The following CDH7 variants were observed in gnomAD, a reference collection of about 807,000 sequenced individuals.
CDH7 encodes the protein cadherin 7.
Under a neutral mutation model 71.8 loss-of-function variants are expected in CDH7, and 25 were observed. The observed-to-expected ratio is 0.35, with a 90% confidence interval of 0.25 to 0.49. The LOEUF (loss-of-function observed/expected upper bound fraction) is 0.49. Ranked by LOEUF, CDH7 falls within the 20% of genes least tolerant of loss-of-function variation. The pLI is 0.99. For missense variants in CDH7, 862 were observed against 974.6 expected (o/e 0.88, Z 1.54); for synonymous variants, 381 against 363.8 (o/e 1.05, Z -0.54).
intron 2 of CDH7, among the ~76,000 whole-genome samples, chr18:65,767,478 G>A (rs765254188): frequency 9.2e-5 from 14 of 152,120 alleles, no homozygotes; most frequent in Non-Finnish European, 1.9e-4. Context: ...AAAGAGCATA[G>A]TCATCATAGC....
intron 7 of CDH7, among the ~76,000 whole-genome samples, chr18:65,853,680 T>C (rs1176903770): frequency 1.3e-5 from 2 of 151,842 alleles, no homozygotes; most frequent in Non-Finnish European, 2.9e-5. Context: ...TTTGACAAAG[T>C]GTCCCATCTC....
At chr18:65,810,079 CT>C (rs1911478044) in intron 3 of CDH7, 81 bp downstream of exon 3, 1 of 1,053,948 alleles carries the variant, frequency 9.5e-7, no homozygotes, top group Non-Finnish European at 1.3e-6. Flanking sequence ...TCATTAAGTA[CT>C]GAAAAAAAAA....
At chr18:65,830,373 C>A (rs1912293161) in intron 6 of CDH7, among the ~76,000 whole-genome samples, 1 of 152,158 alleles carries the variant, frequency 6.6e-6, no homozygotes, top group African/African-American at 2.4e-5. Context: ...TTGCTTATTT[C>A]TCTTGAACAC....
At chr18:65,832,312 T>G (rs2143962515) in intron 6 of CDH7, among the ~76,000 whole-genome samples, 1 of 152,212 alleles carries the variant, frequency 6.6e-6, no homozygotes, top group African/African-American at 2.4e-5. Flanking sequence ...TAGAATTCTT[T>G]TAGAATCAGG....
intron 2 of CDH7, chr18:65,803,309 T>A (rs1261078731): frequency 1.3e-5 from 2 of 152,160 alleles, no homozygotes; most frequent in African/African-American, 4.8e-5. Context: ...TACTGTGAAC[T>A]TTTTCTGAGA....
At chr18:65,763,368 A>G (rs775163937) in intron 2 of CDH7, among the ~76,000 whole-genome samples, 4 of 152,184 alleles carry the variant, frequency 2.6e-5, no homozygotes, top group Non-Finnish European at 5.9e-5. Context: ...AAAGTGGAAC[A>G]AGACTATTCA....
chr18:65,796,660 C>G (rs887925905), intron 2 of CDH7, among the ~76,000 whole-genome samples: 1 of 152,126 alleles, frequency 6.6e-6, no homozygotes, highest in African/African-American at 2.4e-5. Flanking sequence ...TACCGATGGC[C>G]CCAGGTTGTC....
intron 7 of CDH7, 83 bp from the exon 8 acceptor site, chr18:65,857,733 C>A: frequency 7.5e-7 from 1 of 1,337,860 alleles, no homozygotes; most frequent in Non-Finnish European, 1.0e-6. Context: ...TAGTAATGAG[C>A]TACACAAATA....
intron 11 of CDH7, among the ~76,000 whole-genome samples, chr18:65,874,254 C>T (rs1054560817): frequency 6.6e-6 from 1 of 152,004 alleles, no homozygotes; most frequent in African/African-American, 2.4e-5. Flanking sequence ...TAAATTTATC[C>T]AATTTGGTTT....
chr18:65,786,722 T>C (rs1910527416), intron 2 of CDH7, among the ~76,000 whole-genome samples: 2 of 152,118 alleles, frequency 1.3e-5, no homozygotes, highest in Admixed American at 6.6e-5. Flanking sequence ...CTTGCTTTGT[T>C]GCCCAGGCCG....
intron 6 of CDH7, among the ~76,000 whole-genome samples, chr18:65,827,591 T>C (rs1167188458): frequency 6.6e-6 from 1 of 151,954 alleles, no homozygotes. Context: ...AACAATAATT[T>C]AGACTAAGAA....
chr18:65,845,456 G>A (rs1402147717), intron 7 of CDH7, among the ~76,000 whole-genome samples: 3 of 152,008 alleles, frequency 2.0e-5, no homozygotes, highest in South Asian at 4.2e-4. Context: ...CTCTGTAATT[G>A]CCCTGCCTTC....
intron 2 of CDH7, among the ~76,000 whole-genome samples, chr18:65,781,636 T>G (rs34754902): frequency 0.36 from 53,948 of 151,520 alleles, 10,120 homozygotes; most frequent in African/African-American, 0.46. Context: ...TCCACTTTTT[T>G]CATTCTATTC....
chr18:65,779,251 A>T (rs1232962949), intron 2 of CDH7, among the ~76,000 whole-genome samples: 4 of 109,702 alleles, frequency 3.6e-5, no homozygotes, highest in African/African-American at 1.5e-4. Flanking sequence ...AAGAATAGAA[A>T]ACATTCTTTT....
chr18:65,885,054 A>G lies in CDH7; in HGVS notation c.*4160A>G, dbSNP rs564796893. ...ATTATTAATAATGTATATTGTGTGT[A>G]TATATGACGGTGTATGAAAGTTGGC... On this transcript the variant is annotated 3_prime_UTR_variant, in exon 12 of 12. Transcript: ENST00000397968. The G allele has an allele frequency of 6.6e-6, 1 of 152,166 alleles. No homozygotes were observed. The highest frequency in any genetic ancestry group is 1.5e-5 in the Non-Finnish European group (1 of 68,034). The allele number at this position is 152,166 out of a possible 1,614,324, so 9.4% of individuals were successfully genotyped here. A position where few individuals can be genotyped will look rare whatever the true frequency, so the allele number is the denominator to read the frequency against.
chr18:65,807,930 C>T (rs1568196112), intron 2 of CDH7, among the ~76,000 whole-genome samples: 1 of 152,152 alleles, frequency 6.6e-6, no homozygotes, highest in Non-Finnish European at 1.5e-5. Flanking sequence ...AAGACCCTAG[C>T]ACACAGGGCA....
intron 2 of CDH7, among the ~76,000 whole-genome samples, chr18:65,766,633 A>C (rs1015540576): frequency 6.6e-6 from 1 of 152,100 alleles, no homozygotes; most frequent in African/African-American, 2.4e-5. Context: ...TTTAAAAAAT[A>C]ATAGTGCCCC....
At chr18:65,778,810 T>C (rs1408057560) in intron 2 of CDH7, among the ~76,000 whole-genome samples, 1 of 151,874 alleles carries the variant, frequency 6.6e-6, no homozygotes, top group Non-Finnish European at 1.5e-5. Flanking sequence ...GTAATGTTCA[T>C]AGCAGCACGT....
chr18:65,857,598 T>C (rs1023341308), intron 7 of CDH7, among the ~76,000 whole-genome samples: 1 of 152,110 alleles, frequency 6.6e-6, no homozygotes, highest in African/African-American at 2.4e-5. Flanking sequence ...CATTTAGTAC[T>C]GTCTGACAGA....
Sources: gnomAD v4.1 joint callset for allele counts (sites outside exome capture counted in the v4.1 genomes callset) on GRCh38, gnomAD v4.1.1 for gene constraint, MANE v1.5 for transcripts, NCBI Gene and HGNC (gene_info 2026-07-23, HGNC 2026-07-21) for gene names.